ZNF254: variants seen among roughly 807,000 people sequenced by gnomAD.
ZNF254 encodes zinc finger protein 254.
A neutral mutation model predicts 12.4 loss-of-function variants in ZNF254; 10 were observed. The ratio of observed to expected loss-of-function variants is 0.80; its 90% CI spans 0.50 to 1.36. The LOEUF is 1.36. Among genes scored for constraint, ZNF254 ranks in the 40% most tolerant of loss-of-function variants. ZNF254 has a pLI of 0.00. For missense variants in ZNF254, 996 were observed against 763.9 expected, an observed-to-expected ratio of 1.30 and a Z score of -3.58; for synonymous variants, 305 against 253.4, an observed-to-expected ratio of 1.20 and a Z score of -1.93.
intron 1 of ZNF254, chr19:24,033,691 ACCGCTC>A (rs1467879035): frequency 3.4e-6 from 1 of 297,516 alleles, no homozygotes; most frequent in East Asian, 1.2e-4. Context: ...TGCCTTCGTC[ACCGCTC>A]CCGGGTTTCC....
intron 3 of ZNF254, among the ~76,000 whole-genome samples, chr19:24,117,016 G>A (rs55989868): frequency 0.17 from 25,163 of 152,074 alleles, 2,670 homozygotes; most frequent in Middle Eastern, 0.26. Context: ...GCTGATTTTC[G>A]TGAACCGCGA....
chr19:24,122,932 T>C (rs1974586085), intron 3 of ZNF254, among the ~76,000 whole-genome samples: 1 of 152,252 alleles, frequency 6.6e-6, no homozygotes, highest in South Asian at 2.1e-4. Context: ...GTTTTAATTC[T>C]GTAGCTTTGT....
At chr19:24,047,358 T>G (rs1970433738) in intron 2 of ZNF254, among the ~76,000 whole-genome samples, 1 of 151,854 alleles carries the variant, frequency 6.6e-6, no homozygotes, top group African/African-American at 2.4e-5. Flanking sequence ...CTACCTTTCT[T>G]TCTTCTTTTC....
chr19:24,128,028 G>T lies in ZNF254; in HGVS notation c.*48G>T. On this transcript the variant is annotated 3_prime_UTR_variant, in exon 4 of 4. Coordinates refer to ENST00000357002, the MANE Select transcript of ZNF254 (RefSeq NM_203282.4). ...AACCCTCAATTCTTAATAGATATAAGATTATTCCTACTGGAGAGAAACTAC... is the reference window on the plus strand; with the variant it reads ...AACCCTCAATTCTTAATAGATATAATATTATTCCTACTGGAGAGAAACTAC... The T allele has an allele frequency of 6.8e-7, 1 of 1,476,822 alleles. No homozygotes were observed. Among genetic ancestry groups the T allele is most frequent in the Non-Finnish European group, 8.9e-7 (1 of 1,118,072 alleles). 91.5% of individuals were successfully genotyped at this position (1,476,822 alleles called of 1,614,324 possible).
intron 2 of ZNF254, among the ~76,000 whole-genome samples, chr19:24,076,359 C>G (rs1208898970): frequency 6.6e-6 from 1 of 152,204 alleles, no homozygotes; most frequent in African/African-American, 2.4e-5. Context: ...GCCAGTCCCT[C>G]CGTTTGGGGT....
upstream of ZNF254, among the ~76,000 whole-genome samples, chr19:24,085,426 A>G (rs547673608): frequency 1.7e-3 from 179 of 105,648 alleles, 13 homozygotes; most frequent in Non-Finnish European, 2.9e-3. Context: ...ATATATATAT[A>G]AAAACTAAGA....
chr19:24,046,373 TTATATATATATA>T (rs34508258), intron 2 of ZNF254: 5 of 95,492 alleles, frequency 5.2e-5, no homozygotes, highest in Admixed American at 1.1e-4. Flanking sequence ...TTATTATTTT[TTATATATATATA>T]TATATATATA....
chr19:24,050,287 G>A (rs1238816234), intron 2 of ZNF254, among the ~76,000 whole-genome samples: 2 of 152,106 alleles, frequency 1.3e-5, no homozygotes, highest in Non-Finnish European at 2.9e-5. Context: ...AGCCTCCTGA[G>A]TAGCTGAGAC....
intron 2 of ZNF254, among the ~76,000 whole-genome samples, chr19:24,077,016 A>T (rs1306509209): frequency 6.6e-6 from 1 of 152,236 alleles, no homozygotes; most frequent in Non-Finnish European, 1.5e-5. Context: ...ACTCAAAGTT[A>T]TCTCTCTGAG....
chr19:24,063,479 G>A (rs1971152394), intron 2 of ZNF254, among the ~76,000 whole-genome samples: 1 of 152,174 alleles, frequency 6.6e-6, no homozygotes, highest in Non-Finnish European at 1.5e-5. Context: ...CAGATGTATT[G>A]TGACATATTG....
chr19:24,127,979 G>A lies in ZNF254; in HGVS notation c.1979G>A (p.Ter660=), dbSNP rs1975021942. The A allele has an allele frequency of 1.3e-6, 2 of 1,542,488 alleles. No homozygotes were observed. Among genetic ancestry groups the A allele is most frequent in the African/African-American group, 1.4e-5 (1 of 72,434 alleles). The change falls in exon 4 of 4, where the codon TGA becomes TAA. Residue 660 remains the stop codon, a stop_retained_variant. Transcript: ENST00000357002. ...CATTGGAGAGAAATCTTACAAGTAT[G>A]AATAATGTGCCAAAGCCTAAGAAAA... The part of the protein sequence containing the change: ...ITHWREILQV[*]
intron 2 of ZNF254, among the ~76,000 whole-genome samples, chr19:24,054,232 C>T (rs1357371428): frequency 6.6e-6 from 1 of 152,146 alleles, no homozygotes; most frequent in Non-Finnish European, 1.5e-5. Flanking sequence ...GGTGATATGA[C>T]ACTCCTGCTT....
intron 2 of ZNF254, among the ~76,000 whole-genome samples, chr19:24,071,436 A>G (rs1338174002): frequency 6.6e-6 from 1 of 152,176 alleles, no homozygotes; most frequent in Non-Finnish European, 1.5e-5. Context: ...TTGTCTCAGC[A>G]CCTACATAAT....
At chr19:24,071,354 C>A (rs545487288) in intron 2 of ZNF254, among the ~76,000 whole-genome samples, 1 of 152,168 alleles carries the variant, frequency 6.6e-6, no homozygotes, top group African/African-American at 2.4e-5. Context: ...ATGTCCCTGG[C>A]CTACTAAACA....
chr19:24,127,096 A>G lies in ZNF254; in HGVS notation c.1096A>G (p.Thr366Ala), dbSNP rs1247769481. The G allele has an allele frequency of 3.1e-6, 5 of 1,613,686 alleles. No homozygotes were observed. Among genetic ancestry groups the G allele is most frequent in the Non-Finnish European group, 4.2e-6 (5 of 1,179,838 alleles). The change falls in exon 4 of 4, where the codon ACT becomes GCT. Residue 366 changes from threonine (T) to alanine (A), a missense_variant. Transcript: ENST00000357002. Reference protein sequence around the residue: ...GKAFSQSSTLTTHKIIHTGEK... With the variant: ...GKAFSQSSTLATHKIIHTGEK... Reference sequence around the variant, plus strand: ...AGCTTTTAGCCAGTCCTCAACCCTTACTACACATAAGATAATTCATACTGG... The same window carrying G: ...AGCTTTTAGCCAGTCCTCAACCCTTGCTACACATAAGATAATTCATACTGG...
chr19:24,106,642 A>C lies in ZNF254; in HGVS notation c.252A>C (p.Pro84=). 6.3e-7 allele frequency: 1 copy of C among 1,578,538 alleles called. No homozygotes were observed. Among genetic ancestry groups the C allele is most frequent in the Non-Finnish European group, 8.6e-7 (1 of 1,159,826 alleles). ...GACATGAGATGGTGGATGAACCCCC[A>C]GGTAGGTGAGAGTGAATACAACAGA... ...MKRHEMVDEP[P]GMCPHFAQDL... The change falls in exon 3 of 4, where the codon CCA becomes CCC. Residue 84 remains proline (P), a splice_region_variant and synonymous_variant. Transcript: ENST00000357002.
intron 1 of ZNF254, among the ~76,000 whole-genome samples, chr19:24,045,399 G>T (rs1233275417): frequency 6.6e-6 from 1 of 152,098 alleles, no homozygotes; most frequent in East Asian, 1.9e-4. Flanking sequence ...GCCGGGCGTG[G>T]TGGCTCACAT....
chr19:24,056,364 G>C (rs766191486), intron 2 of ZNF254, among the ~76,000 whole-genome samples: 9 of 152,130 alleles, frequency 5.9e-5, no homozygotes, highest in Non-Finnish European at 1.5e-5. Context: ...CTCTTCTCCT[G>C]CCTGGTCCCT....
intron 2 of ZNF254, among the ~76,000 whole-genome samples, chr19:24,067,110 T>A (rs957398790): frequency 6.6e-6 from 1 of 151,762 alleles, no homozygotes; most frequent in Non-Finnish European, 1.5e-5. Flanking sequence ...AAGGGATATA[T>A]TTTTTTTCTT....
Sources: allele counts gnomAD v4.1 joint callset (sites outside exome capture counted in the v4.1 genomes callset), GRCh38; gene constraint gnomAD v4.1.1; transcripts MANE v1.5; gene names NCBI Gene and HGNC (gene_info 2026-07-23, HGNC 2026-07-21).